The following CCDC146 variants were observed in gnomAD, a reference collection of about 807,000 sequenced individuals.
CCDC146 encodes coiled-coil domain-containing protein 146.
In CCDC146, 92 loss-of-function variants were observed where a neutral mutation model predicts 119.3. The ratio of observed to expected loss-of-function variants is 0.77; its 90% CI spans 0.65 to 0.92. The LOEUF (loss-of-function observed/expected upper bound fraction) is 0.92. Ranked by LOEUF, CCDC146 falls within the 40% of genes least tolerant of loss-of-function variation. CCDC146 has a pLI of 0.00. For missense variants in CCDC146, 1,000 were observed against 1,103.0 expected, an observed-to-expected ratio of 0.91 and a Z score of 1.32; for synonymous variants, 372 against 371.8, an observed-to-expected ratio of 1.00 and a Z score of -0.01.
intron 11 of CCDC146, among the ~76,000 whole-genome samples, chr7:77,276,077 G>A (rs3108443): frequency 0.13 from 19,897 of 151,802 alleles, 1,714 homozygotes; most frequent in East Asian, 0.42. Flanking sequence ...ATGGTGGCAG[G>A]TGCCTGTAAT....
At position 77,237,147 on chromosome 7, in the gene CCDC146, C is replaced by T. The variant is rs1792753145; in HGVS notation, c.239+118C>T. The T allele has an allele frequency of 3.7e-6, 3 of 802,350 alleles. No individual in the cohort carries two copies. The African/African-American group carries it at 5.2e-5, about 14-fold the overall frequency. The allele number at this position is 802,350 out of a possible 1,614,324, so 49.7% of individuals were successfully genotyped here. On this transcript the variant is annotated intron_variant, in intron 3 of 18. Coordinates refer to ENST00000285871, the MANE Select transcript of CCDC146 (RefSeq NM_020879.3). ...AGACCCTGAGGCAAGGATTTGCGTT[C>T]AGGGAGTTTGAGAAGTGGTACGAGA...
Position 77,279,046 on chromosome 7 carries a change from A to G in CCDC146, c.1639A>G (p.Lys547Glu), listed in dbSNP as rs1793712189. The G allele has an allele frequency of 6.2e-7, 1 of 1,608,990 alleles. No homozygotes were observed. Among genetic ancestry groups the G allele is most frequent in the Non-Finnish European group, 8.5e-7 (1 of 1,176,878 alleles). The change falls in exon 13 of 19, where the codon AAA (lysine) becomes GAA (glutamate). Residue 547 changes from lysine to glutamate, a missense_variant. Around this residue, in one of 2 missense-constraint regions of CCDC146, gnomAD observed 985 missense variants for 1,045.3 expected, o/e 0.94. Coordinates refer to ENST00000285871, the MANE Select transcript of CCDC146 (RefSeq NM_020879.3). ...AGTAAATGAAATAAAAGAAAGGCAT[A>G]AAATGTCATTAAATGAACTTGAAAT... ...QKVNEIKERH[K>E]MSLNELEILR...
intron 15 of CCDC146, among the ~76,000 whole-genome samples, chr7:77,285,866 C>T (rs1316672308): frequency 6.6e-6 from 1 of 152,192 alleles, no homozygotes; most frequent in African/African-American, 2.4e-5. Flanking sequence ...CAAGCTGTTC[C>T]TCACAGAGTG....
chr7:77,272,157 C>T (rs1020983742), intron 9 of CCDC146, among the ~76,000 whole-genome samples: 33 of 152,218 alleles, frequency 2.2e-4, no homozygotes, highest in South Asian at 4.1e-4. Context: ...CCCAATTATT[C>T]AATTCTATAC....
In CCDC146 at chr7:77,151,952, C is replaced by T. The variant is rs572991681; in HGVS notation, c.-11-15706C>T. Among the ~76,000 whole-genome samples the T allele has an allele frequency of 2.0e-5, 3 of 152,304 alleles. No individual in the cohort carries two copies. The East Asian group carries it at 5.8e-4, about 29-fold the overall frequency. On this transcript the variant is annotated intron_variant, in intron 1 of 18. Coordinates refer to ENST00000285871, the MANE Select transcript of CCDC146 (RefSeq NM_020879.3). Reference sequence around the variant, plus strand: ...TCCCAGCCAGCCTCTGCACCTCTCCCGTGCCTCTCTGTGACCTCTCTTGGG... The same window carrying T: ...TCCCAGCCAGCCTCTGCACCTCTCCTGTGCCTCTCTGTGACCTCTCTTGGG...
chr7:77,129,871 G>T (rs1420349669), intron 1 of CCDC146, among the ~76,000 whole-genome samples: 1 of 151,926 alleles, frequency 6.6e-6, no homozygotes, highest in Non-Finnish European at 1.5e-5. Flanking sequence ...CTGCTTTGAA[G>T]TCACTGTTAA....
chr7:77,192,685 G>A (rs997546924), intron 2 of CCDC146, among the ~76,000 whole-genome samples: 9 of 152,188 alleles, frequency 5.9e-5, no homozygotes, highest in African/African-American at 1.9e-4. Context: ...AGCACTTTGC[G>A]AGGCCTAGGC....
chr7:77,173,701 G>T (rs1384879485), intron 2 of CCDC146, among the ~76,000 whole-genome samples: 1 of 152,192 alleles, frequency 6.6e-6, no homozygotes, highest in Non-Finnish European at 1.5e-5. Context: ...GTGGGTTAAT[G>T]TAGGACACCT....
chr7:77,208,907 C>T (rs958719011), intron 2 of CCDC146, among the ~76,000 whole-genome samples: 1 of 152,128 alleles, frequency 6.6e-6, no homozygotes, highest in Admixed American at 6.5e-5. Flanking sequence ...ATTATGTTGC[C>T]CAGGCTAGTC....
At chr7:77,199,079 T>C in intron 2 of CCDC146, 1 of 977,088 alleles carries the variant, frequency 1.0e-6, no homozygotes, top group Non-Finnish European at 1.5e-6. Context: ...AAAGACTTAA[T>C]CTGTCATCTA....
At chr7:77,271,645 G>A (rs1793524561) in intron 9 of CCDC146, among the ~76,000 whole-genome samples, 1 of 148,656 alleles carries the variant, frequency 6.7e-6, no homozygotes, top group African/African-American at 2.5e-5. Context: ...GCAACCAGGA[G>A]GCTCTGCTAC....
chr7:77,256,292 G>GC (rs1197929054), intron 5 of CCDC146, 41 bp from the exon 6 acceptor site: 2 of 1,445,590 alleles, frequency 1.4e-6, no homozygotes, highest in South Asian at 2.7e-5. Flanking sequence ...ATAAATGTTT[G>GC]CTCAGACTAT....
intron 2 of CCDC146, among the ~76,000 whole-genome samples, chr7:77,216,301 GC>G (rs747234297): frequency 6.6e-6 from 1 of 151,974 alleles, no homozygotes; most frequent in Non-Finnish European, 1.5e-5. Flanking sequence ...GATACTGTCC[GC>G]CCCCAGATGG....
intron 1 of CCDC146, among the ~76,000 whole-genome samples, chr7:77,126,660 T>A (rs1373326819): frequency 6.6e-6 from 1 of 152,060 alleles, no homozygotes; most frequent in Non-Finnish European, 1.5e-5. Context: ...TCTGAAGCTC[T>A]CGGCAGAGAC....
At chr7:77,230,231 A>G (rs1210773887) in intron 2 of CCDC146, among the ~76,000 whole-genome samples, 1 of 151,774 alleles carries the variant, frequency 6.6e-6, no homozygotes, top group African/African-American at 2.4e-5. Context: ...TTTTTTTACT[A>G]TTATGAATGA....
intron 2 of CCDC146, among the ~76,000 whole-genome samples, chr7:77,200,730 T>G (rs977496717): frequency 6.6e-6 from 1 of 152,224 alleles, no homozygotes; most frequent in African/African-American, 2.4e-5. Context: ...GTATATCAGC[T>G]TGTTCAAAAC....
intron 2 of CCDC146, among the ~76,000 whole-genome samples, chr7:77,210,375 A>G (rs934769850): frequency 1.3e-5 from 2 of 152,214 alleles, no homozygotes; most frequent in Admixed American, 1.3e-4. Flanking sequence ...AAACCATAGC[A>G]AGAGTGACCT....
At chr7:77,203,988 A>T (rs1293456763) in intron 2 of CCDC146, among the ~76,000 whole-genome samples, 4 of 152,090 alleles carry the variant, frequency 2.6e-5, no homozygotes, top group African/African-American at 2.4e-5. Flanking sequence ...ACTGGATCAG[A>T]TTCCTAAAGT....
intron 9 of CCDC146, among the ~76,000 whole-genome samples, chr7:77,270,856 A>G (rs917978190): frequency 6.6e-6 from 1 of 152,174 alleles, no homozygotes; most frequent in African/African-American, 2.4e-5. Flanking sequence ...TAAACTGGCA[A>G]AAGGAGGAGG....
Sources: gnomAD v4.1 joint callset for allele counts (sites outside exome capture counted in the v4.1 genomes callset) on GRCh38, gnomAD v4.1.1 for gene constraint, gnomAD v4.1.1 regional missense constraint, MANE v1.5 for transcripts, NCBI Gene and HGNC (gene_info 2026-07-23, HGNC 2026-07-21) for gene names.